The following SH3GLB1 variants were observed in gnomAD, a reference collection of about 807,000 sequenced individuals.
SH3GLB1 encodes the protein endophilin-B1.
In SH3GLB1, 17 loss-of-function variants were observed where a neutral mutation model predicts 42.0. That is an observed-to-expected ratio of 0.40 (90% CI 0.28 to 0.61). SH3GLB1 has a LOEUF of 0.61. Among genes scored for constraint, SH3GLB1 ranks in the 20% least tolerant of loss-of-function variants. SH3GLB1 has a pLI of 0.36. For missense variants in SH3GLB1, 355 were observed against 426.3 expected (o/e 0.83, Z 1.47); for synonymous variants, 132 against 146.6 (o/e 0.90, Z 0.72).
In SH3GLB1 at chr1:86,734,597, T is replaced by G. The variant is rs1396650025; in HGVS notation, c.571-5T>G. The G allele has an allele frequency of 1.2e-6, 2 of 1,601,658 alleles. No individual in the cohort carries two copies. The highest frequency in any genetic ancestry group is 2.7e-5 in the African/African-American group (2 of 74,810). On this transcript the variant is annotated splice_polypyrimidine_tract_variant and splice_region_variant and intron_variant, in intron 5 of 8. Transcript: ENST00000370558. ...AGAGATTCTAAAACTATATTCTTAC[T>G]TAAGTCTGAACAGGAATTAAGAATA...
At chr1:86,720,767 A>G (rs931404431) in intron 3 of SH3GLB1, among the ~76,000 whole-genome samples, 9 of 152,228 alleles carry the variant, frequency 5.9e-5, no homozygotes, top group African/African-American at 2.2e-4. Context: ...TTTAGTAGTT[A>G]TCTTTATGTC....
intron 1 of SH3GLB1, 142 bp from the exon 2 acceptor site, chr1:86,715,582 A>G (rs889085746): frequency 4.7e-6 from 4 of 847,398 alleles, no homozygotes; most frequent in Non-Finnish European, 7.1e-6. Context: ...AAAAGTATTC[A>G]TAAGCAATGG....
At chr1:86,724,892 A>AAAAATATATAT (rs1291454820) in intron 5 of SH3GLB1, among the ~76,000 whole-genome samples, 3 of 99,700 alleles carry the variant, frequency 3.0e-5, no homozygotes, top group Non-Finnish European at 5.5e-5. Flanking sequence ...AAAAAAAAAA[A>AAAAATATATAT]ATATATATAT....
chr1:86,709,004 A>G (rs1448726981), intron 1 of SH3GLB1, among the ~76,000 whole-genome samples: 1 of 152,222 alleles, frequency 6.6e-6, no homozygotes, highest in Non-Finnish European at 1.5e-5. Context: ...AAATTTTAAA[A>G]TAAAAGTAAA....
In SH3GLB1 at chr1:86,745,854, T is replaced by C. The variant is rs553338356; in HGVS notation, c.*2619T>C. 1.3e-5 allele frequency: 2 copies of C among 152,620 alleles called. No individual in the cohort carries two copies. The highest frequency in any genetic ancestry group is 2.9e-5 in the Non-Finnish European group (2 of 68,012). 9.5% of individuals were successfully genotyped at this position (152,620 alleles called of 1,614,324 possible). A position where few individuals can be genotyped will look rare whatever the true frequency, so the allele number is the denominator to read the frequency against. ...GCAGTTCAGAATTGTTTAAATAAGCTCTGTGCCACTGAGCTTAATCTGAAA... is the reference window on the plus strand; with the variant it reads ...GCAGTTCAGAATTGTTTAAATAAGCCCTGTGCCACTGAGCTTAATCTGAAA... On this transcript the variant is annotated 3_prime_UTR_variant, in exon 9 of 9. Coordinates refer to ENST00000370558, the MANE Select transcript of SH3GLB1 (RefSeq NM_016009.5).
At chr1:86,714,582 G>A (rs1402376760) in intron 1 of SH3GLB1, among the ~76,000 whole-genome samples, 12 of 152,190 alleles carry the variant, frequency 7.9e-5, no homozygotes, top group Non-Finnish European at 1.2e-4. Context: ...AGCTTAAGGT[G>A]TTGATAATAA....
intron 4 of SH3GLB1, 47 bp from the exon 5 acceptor site, chr1:86,724,266 G>T: frequency 7.4e-7 from 1 of 1,351,000 alleles, no homozygotes; most frequent in Non-Finnish European, 1.0e-6. Context: ...GCTCTTAACA[G>T]AATTTTAGCA....
intron 5 of SH3GLB1, chr1:86,729,951 G>A (rs2101965894): frequency 1.3e-6 from 1 of 786,198 alleles, no homozygotes. Flanking sequence ...AGTTACTACT[G>A]TGTTTAATCT....
chr1:86,707,458 A>G (rs1427327184), intron 1 of SH3GLB1, among the ~76,000 whole-genome samples: 2 of 152,086 alleles, frequency 1.3e-5, no homozygotes, highest in Non-Finnish European at 2.9e-5. Flanking sequence ...TGGCTGTTGG[A>G]TTGGCTGTGA....
intron 5 of SH3GLB1, among the ~76,000 whole-genome samples, chr1:86,724,892 A>ATATATAT (rs1553208270): frequency 5.0e-5 from 5 of 99,686 alleles, no homozygotes; most frequent in South Asian, 5.9e-4. Flanking sequence ...AAAAAAAAAA[A>ATATATAT]ATATATATAT....
chr1:86,719,995 CAAAAAAAAA>C (rs570115346), intron 3 of SH3GLB1, among the ~76,000 whole-genome samples: 2 of 62,426 alleles, frequency 3.2e-5, no homozygotes, highest in African/African-American at 1.1e-4. Context: ...GACTCTGTCT[CAAAAAAAAA>C]AAAAAAAAAA....
Position 86,704,918 on chromosome 1 carries a change from A to G in SH3GLB1, c.19A>G (p.Asn7Asp). The change falls in exon 1 of 9, where the codon AAC becomes GAC. Residue 7 changes from asparagine (N) to aspartate (D), a missense_variant. By Grantham distance (23) the Asn-to-Asp change is conservative (BLOSUM62 1). Coordinates refer to ENST00000370558, the MANE Select transcript of SH3GLB1 (RefSeq NM_016009.5). Reference protein sequence around the residue: MNIMDFNVKKLAADAGT... With the variant: MNIMDFDVKKLAADAGT... ...GCCTAGGATGAATATCATGGACTTC[A>G]ACGTGAAGAAGCTGGCGGCCGACGC... The G allele has an allele frequency of 6.3e-7, 1 of 1,585,200 alleles. No homozygotes were observed. The highest frequency in any genetic ancestry group is 8.6e-7 in the Non-Finnish European group (1 of 1,168,180).
Position 86,704,978 on chromosome 1 carries a change from T to C in SH3GLB1, c.72+7T>C. ...CCTCAGTCGCGCCGTGCAGGTACCC[T>C]GGTGCTGGGGGGAAAAGGGGTGGCG... On this transcript the variant is annotated splice_region_variant and intron_variant, in intron 1 of 8. Transcript: ENST00000370558. 6.4e-7 allele frequency: 1 copy of C among 1,567,522 alleles called. No homozygotes were observed. Among genetic ancestry groups the C allele is most frequent in the Non-Finnish European group, 8.6e-7 (1 of 1,158,240 alleles).
intron 4 of SH3GLB1, among the ~76,000 whole-genome samples, chr1:86,723,066 AAG>A (rs1654957322): frequency 6.6e-6 from 1 of 152,230 alleles, no homozygotes; most frequent in Admixed American, 6.5e-5. Context: ...GAGTTTTACA[AAG>A]CTGCTCTTAT....
rs937885422 is a variant in SH3GLB1 at position 86,746,924 on chromosome 1, C to T, written c.*3689C>T. 1.3e-5 allele frequency: 2 copies of T among 152,246 alleles called. No homozygotes were observed. Among genetic ancestry groups the T allele is most frequent in the Non-Finnish European group, 2.9e-5 (2 of 68,016 alleles). 9.4% of individuals were successfully genotyped at this position (152,246 alleles called of 1,614,324 possible). ...CAGTGATTGGCAAAGTGTGAGACCCCAGACCGGCAATATTGGCATCTCCTG... is the reference window on the plus strand; with the variant it reads ...CAGTGATTGGCAAAGTGTGAGACCCTAGACCGGCAATATTGGCATCTCCTG... On this transcript the variant is annotated 3_prime_UTR_variant, in exon 9 of 9. Transcript: ENST00000370558.
chr1:86,733,868 T>A (rs1655640825), intron 5 of SH3GLB1, among the ~76,000 whole-genome samples: 1 of 152,132 alleles, frequency 6.6e-6, no homozygotes. Flanking sequence ...AAAATCTGGA[T>A]ATGAGAGCTT....
At chr1:86,712,785 T>TTG (rs1287851662) in intron 1 of SH3GLB1, among the ~76,000 whole-genome samples, 2 of 152,056 alleles carry the variant, frequency 1.3e-5, no homozygotes, top group African/African-American at 4.8e-5. Flanking sequence ...AACCTACTAA[T>TTG]TGTGTGTGTT....
In SH3GLB1 at chr1:86,743,176, G is replaced by A. The variant is rs1358450575; in HGVS notation, c.1039G>A (p.Gly347Arg). 1 of 1,613,346 alleles carries A rather than the reference G, an allele frequency of 6.2e-7. No individual in the cohort carries two copies. The highest frequency in any genetic ancestry group is 1.3e-5 in the African/African-American group (1 of 74,822). ...VVGMDSDWLM[G>R]ERGNQKGKVP... ...TGGAATGGATTCAGACTGGCTAATGGGGGAAAGGGGAAACCAGAAGGGCAA... is the reference window on the plus strand; with the variant it reads ...TGGAATGGATTCAGACTGGCTAATGAGGGAAAGGGGAAACCAGAAGGGCAA... Residue 347 changes from glycine (G) to arginine (R), a missense_variant, in exon 9 of 9, where the codon GGG (glycine) becomes AGG (arginine). Gly to Arg is a moderately radical substitution (Grantham distance 125). Coordinates refer to ENST00000370558, the MANE Select transcript of SH3GLB1 (RefSeq NM_016009.5).
chr1:86,742,750 A>G (rs1656118471), intron 8 of SH3GLB1, among the ~76,000 whole-genome samples: 1 of 152,162 alleles, frequency 6.6e-6, no homozygotes, highest in Non-Finnish European at 1.5e-5. Context: ...ACTTGAGGCC[A>G]GGAGTTCAAG....
Sources: gnomAD v4.1 joint callset for allele counts (sites outside exome capture counted in the v4.1 genomes callset) on GRCh38, gnomAD v4.1.1 for gene constraint, MANE v1.5 for transcripts, NCBI Gene and HGNC (gene_info 2026-07-23, HGNC 2026-07-21) for gene names.